The following HPR variants were observed in gnomAD, a reference collection of about 807,000 sequenced individuals.
The protein encoded by HPR is haptoglobin-related protein.
HPR carries 17 observed loss-of-function variants against 18.5 expected under a neutral mutation model. The observed-to-expected ratio is 0.92, with a 90% CI of 0.63 to 1.38. The LOEUF is 1.38. HPR is among the 40% of genes most tolerant of loss of function. The pLI, the probability that HPR is intolerant of heterozygous loss-of-function variation, is 0.00. For synonymous variants in HPR, 176 were observed against 165.0 expected (o/e 1.07, Z -0.51); for missense variants, 457 against 432.4 (o/e 1.06, Z -0.51).
chr16:72,071,357 C>A (rs1192697978), intron 1 of HPR, among the ~76,000 whole-genome samples: 1 of 152,188 alleles, frequency 6.6e-6, no homozygotes, highest in African/African-American at 2.4e-5. Flanking sequence ...CTTGTGCTCA[C>A]GGTAGACCAG....
Position 72,076,572 on chromosome 16 carries a change from C to A in HPR, c.538C>A (p.Leu180Ile). 6.2e-7 allele frequency: 1 copy of A among 1,614,214 alleles called. No homozygotes were observed. The highest frequency in any genetic ancestry group is 8.5e-7 in the Non-Finnish European group (1 of 1,180,044). ...KQLVEIEKVV[L>I]HPNYHQVDIG... ...GCTTGTAGAGATTGAGAAGGTGGTTCTACACCCTAACTACCACCAGGTAGA... is the reference window on the plus strand; with the variant it reads ...GCTTGTAGAGATTGAGAAGGTGGTTATACACCCTAACTACCACCAGGTAGA... The change falls in exon 5 of 5, where the codon CTA (leucine) becomes ATA (isoleucine). Residue 180 changes from leucine (L) to isoleucine (I), a missense_variant. Coordinates refer to ENST00000540303, the MANE Select transcript of HPR (RefSeq NM_020995.4).
rs897913340 is a variant in HPR at position 72,063,343 on chromosome 16, T to C, written c.5+83T>C. On this transcript the variant is annotated intron_variant, in intron 1 of 4. Transcript: ENST00000540303. Reference sequence around the variant, plus strand: ...GCATACATTGGTACAGATGCAGAAATAGAACAAAGAAACAGGGCAAATGGG... The same window carrying C: ...GCATACATTGGTACAGATGCAGAAACAGAACAAAGAAACAGGGCAAATGGG... The C allele has an allele frequency of 1.4e-5, 19 of 1,372,574 alleles. 3 individuals are homozygous for C. Among genetic ancestry groups the C allele is most frequent in the African/African-American group, 6.8e-5 (4 of 59,246 alleles). The allele number at this position is 1,372,574 out of a possible 1,614,324, so 85.0% of individuals were successfully genotyped here.
chr16:72,075,353 T>C (rs894683269), intron 4 of HPR, 134 bp downstream of exon 4: 1 of 817,560 alleles, frequency 1.2e-6, no homozygotes, highest in Non-Finnish European at 2.0e-6. Context: ...GAACCGCAGC[T>C]GGCCAGGGAG....
Position 72,076,911 on chromosome 16 carries a change from T to G in HPR, c.877T>G (p.Cys293Gly). 1 of 1,614,250 alleles carries G rather than the reference T, an allele frequency of 6.2e-7. No individual in the cohort carries two copies. The highest frequency in any genetic ancestry group is 8.5e-7 in the Non-Finnish European group (1 of 1,180,050). Residue 293 changes from cysteine to glycine, a missense_variant, in exon 5 of 5, where the codon TGC becomes GGC. Coordinates refer to ENST00000540303, the MANE Select transcript of HPR (RefSeq NM_020995.4). ...VGMSKYQEDTCYGDAGSAFAV... is the reference protein window; with the variant it reads ...VGMSKYQEDTGYGDAGSAFAV... Reference sequence around the variant, plus strand: ...CATGTCTAAGTACCAGGAAGACACCTGCTATGGCGATGCGGGCAGTGCCTT... The same window carrying G: ...CATGTCTAAGTACCAGGAAGACACCGGCTATGGCGATGCGGGCAGTGCCTT...
intron 1 of HPR, among the ~76,000 whole-genome samples, chr16:72,065,561 A>G (rs535283374): frequency 6.6e-6 from 1 of 152,326 alleles, no homozygotes; most frequent in East Asian, 1.9e-4. Context: ...AGGACTAAGC[A>G]TAAGAAGAAG....
chr16:72,063,729 T>C (rs1314058512), intron 1 of HPR, among the ~76,000 whole-genome samples: 1 of 152,164 alleles, frequency 6.6e-6, no homozygotes, highest in African/African-American at 2.4e-5. Flanking sequence ...TTTTGAAATG[T>C]TGAAATAATA....
rs1241266491 is a variant in HPR, at chr16:72,074,341, G to A, written c.149G>A (p.Arg50His). The change falls in exon 3 of 5, where the codon CGC becomes CAC. Residue 50 changes from arginine to histidine, a missense_variant. Transcript: ENST00000540303. ...AATGGCTATGTGGAGCACTTGTTTC[G>A]CTACCAGTGTAAGAACTACTACAGA... ...IANGYVEHLF[R>H]YQCKNYYRLR... is the part of the protein sequence containing the mutation. The A allele has an allele frequency of 9.9e-6, 16 of 1,614,012 alleles. No individual in the cohort carries two copies. The highest frequency in any genetic ancestry group is 6.6e-5 in the South Asian group (6 of 91,074).
At chr16:72,071,537 C>G (rs961196125) in intron 1 of HPR, among the ~76,000 whole-genome samples, 13 of 152,132 alleles carry the variant, frequency 8.5e-5, no homozygotes, top group African/African-American at 2.4e-4. Flanking sequence ...CGAGGGCCAT[C>G]AGCTTCCGTT....
Position 72,073,890 on chromosome 16 carries a change from A to T in HPR, c.6-2A>T. ...CCGCTCCTTCTTGTTTTCTCTCTGCAGTGACCTGGGAGCTGTCATTTCCCT... is the reference window on the plus strand; with the variant it reads ...CCGCTCCTTCTTGTTTTCTCTCTGCTGTGACCTGGGAGCTGTCATTTCCCT... On this transcript the variant is annotated splice_acceptor_variant, in intron 1 of 4. Transcript: ENST00000540303. LOFTEE classifies it high-confidence loss of function. The T allele has an allele frequency of 6.2e-7, 1 of 1,613,946 alleles. No homozygotes were observed. Among genetic ancestry groups the T allele is most frequent in the Non-Finnish European group, 8.5e-7 (1 of 1,179,966 alleles).
At chr16:72,074,996 C>A in intron 3 of HPR, 149 bp from the exon 4 acceptor site, 1 of 1,279,748 alleles carries the variant, frequency 7.8e-7, no homozygotes, top group South Asian at 1.3e-5. Context: ...TCTTTCCCTT[C>A]CTCCTTCTCG....
chr16:72,076,642 G>C lies in HPR; in HGVS notation c.608G>C (p.Arg203Thr), dbSNP rs2021171. 17 of 1,613,770 alleles carry C rather than the reference G, an allele frequency of 1.1e-5. No individual in the cohort carries two copies. In the African/African-American group the frequency reaches 1.2e-4, roughly 11 times the overall value. The change falls in exon 5 of 5, where the codon AGA becomes ACA. Residue 203 changes from arginine to threonine, a missense_variant. Arg to Thr is a moderately conservative substitution (Grantham distance 71). Coordinates refer to ENST00000540303, the MANE Select transcript of HPR (RefSeq NM_020995.4). ...KLKQKVLVNE[R>T]VMPICLPSKN... Reference sequence around the variant, plus strand: ...AAACAGAAGGTGCTTGTTAATGAGAGAGTGATGCCCATCTGCCTACCTTCA... The same window carrying C: ...AAACAGAAGGTGCTTGTTAATGAGACAGTGATGCCCATCTGCCTACCTTCA...
At chr16:72,065,280 G>T (rs2041585981) in intron 1 of HPR, among the ~76,000 whole-genome samples, 1 of 152,098 alleles carries the variant, frequency 6.6e-6, no homozygotes, top group African/African-American at 2.4e-5. Flanking sequence ...AGGAGGTGGG[G>T]CTAAAAGATA....
chr16:72,073,628 C>T (rs2041680412), intron 1 of HPR: 2 of 1,269,896 alleles, frequency 1.6e-6, no homozygotes, highest in South Asian at 2.9e-5. Flanking sequence ...GCAGAATTCC[C>T]AGCAAGACAG....
chr16:72,076,972 C>T lies in HPR; in HGVS notation c.938C>T (p.Ala313Val), dbSNP rs369925214. The change falls in exon 5 of 5, where the codon GCG becomes GTG. Residue 313 changes from alanine (A) to valine (V), a missense_variant. Ala to Val is a moderately conservative substitution (Grantham distance 64). Coordinates refer to ENST00000540303, the MANE Select transcript of HPR (RefSeq NM_020995.4). ...GACCTGGAGGAGGACACCTGGTACG[C>T]GGCTGGGATCCTAAGCTTTGATAAG... is the stretch of plus-strand genomic sequence containing the variant. ...VHDLEEDTWYAAGILSFDKSC... is the reference protein window; with the variant it reads ...VHDLEEDTWYVAGILSFDKSC... The T allele has an allele frequency of 1.6e-5, 26 of 1,614,058 alleles. No individual in the cohort carries two copies. The highest frequency in any genetic ancestry group is 1.0e-4 in the Admixed American group (6 of 60,006).
Position 72,073,944 on chromosome 16 carries a change from C to G in HPR, c.58C>G (p.Leu20Val), listed in dbSNP as rs1343731280. The change falls in exon 2 of 5, where the codon CTG (leucine) becomes GTG (valine). Residue 20 changes from leucine (L) to valine (V), a missense_variant. Physicochemically the swap from Leu to Val is conservative, Grantham distance 32. Coordinates refer to ENST00000540303, the MANE Select transcript of HPR (RefSeq NM_020995.4). Reference sequence around the variant, plus strand: ...GCTCTGGGGACGACAGCTTTTTGCACTGTACTCAGGCAATGATGTCACGGA... The same window carrying G: ...GCTCTGGGGACGACAGCTTTTTGCAGTGTACTCAGGCAATGATGTCACGGA... ...LLLWGRQLFA[L>V]YSGNDVTDIS... 4 of 1,613,958 alleles carry G rather than the reference C, an allele frequency of 2.5e-6. No homozygotes were observed. The highest frequency in any genetic ancestry group is 1.3e-5 in the African/African-American group (1 of 74,916).
rs375731224 is a variant in HPR at position 72,077,020 on chromosome 16, G to T, written c.986G>T (p.Gly329Val). The change falls in exon 5 of 5, where the codon GGT (glycine) becomes GTT (valine). Residue 329 changes from glycine to valine, a missense_variant. Gly to Val is a moderately radical substitution (Grantham distance 109). Coordinates refer to ENST00000540303, the MANE Select transcript of HPR (RefSeq NM_020995.4). ...AAGAGCTGTGCTGTGGCTGAGTATGGTGTGTATGTGAAGGTGACTTCCATC... is the reference window on the plus strand; with the variant it reads ...AAGAGCTGTGCTGTGGCTGAGTATGTTGTGTATGTGAAGGTGACTTCCATC... Reference protein sequence around the residue: ...FDKSCAVAEYGVYVKVTSIQH... With the variant: ...FDKSCAVAEYVVYVKVTSIQH... 6.2e-7 allele frequency: 1 copy of T among 1,614,132 alleles called. No homozygotes were observed. Among genetic ancestry groups the T allele is most frequent in the Non-Finnish European group, 8.5e-7 (1 of 1,180,032 alleles).
At chr16:72,075,758 A>G (rs1279605018) in intron 4 of HPR, among the ~76,000 whole-genome samples, 4 of 152,152 alleles carry the variant, frequency 2.6e-5, no homozygotes, top group African/African-American at 7.2e-5. Flanking sequence ...GCTCCAGCCA[A>G]TGCTGCTCTA....
At chr16:72,072,271 G>C (rs1286743471) in intron 1 of HPR, among the ~76,000 whole-genome samples, 1 of 152,172 alleles carries the variant, frequency 6.6e-6, no homozygotes, top group African/African-American at 2.4e-5. Context: ...GCCTCCCAAA[G>C]TGCTGGGATT....
chr16:72,076,976 T>A lies in HPR; in HGVS notation c.942T>A (p.Ala314=), dbSNP rs1201120257. Residue 314 remains alanine, a synonymous_variant, in exon 5 of 5, where the codon GCT becomes GCA. Transcript: ENST00000540303. ...TGGAGGAGGACACCTGGTACGCGGC[T>A]GGGATCCTAAGCTTTGATAAGAGCT... The part of the protein sequence containing the change: ...HDLEEDTWYA[A]GILSFDKSCA... 6.2e-6 allele frequency: 10 copies of A among 1,614,082 alleles called. No individual in the cohort carries two copies. Among genetic ancestry groups the A allele is most frequent in the Non-Finnish European group, 7.6e-6 (9 of 1,180,054 alleles).
Sources: allele counts gnomAD v4.1 joint callset (sites outside exome capture counted in the v4.1 genomes callset), GRCh38; gene constraint gnomAD v4.1.1; transcripts MANE v1.5; gene names NCBI Gene and HGNC (gene_info 2026-07-23, HGNC 2026-07-21).